CSMD1: variants seen among roughly 807,000 people sequenced by gnomAD.
CSMD1 encodes CUB and sushi domain-containing protein 1.
Under a neutral mutation model 417.5 loss-of-function variants are expected in CSMD1, and 213 were observed. The observed-to-expected ratio is 0.51, with a 90% CI of 0.46 to 0.57. The LOEUF (loss-of-function observed/expected upper bound fraction) is 0.57. CSMD1 is among the 20% of genes least tolerant of loss of function. The pLI is 0.00. For missense variants in CSMD1, 6,923 were observed against 4,529.7 expected, an observed-to-expected ratio of 1.53 and a Z score of -15.17; for synonymous variants, 2,862 against 1,736.8, an observed-to-expected ratio of 1.65 and a Z score of -16.11.
rs1437826428 is a variant in CSMD1, at chr8:4,898,414, T to C, written c.85+95918A>G. 3.3e-5 allele frequency among the ~76,000 whole-genome samples: 5 copies of C among 151,492 alleles called. 1 individual carries two copies. Among genetic ancestry groups the C allele is most frequent in the African/African-American group, 1.2e-4 (5 of 40,776 alleles). The stretch of plus-strand genomic sequence containing the variant: ...AGTACTAGCAATTCAGGCCACACAG[T>C]GACTGGGTGATGGTCACAGAAGGAC... On this transcript the variant is annotated intron_variant, in intron 1 of 69. Coordinates refer to ENST00000635120, the MANE Select transcript of CSMD1 (RefSeq NM_033225.6).
At chr8:4,031,536 G>A (rs909356428) in intron 4 of CSMD1, among the ~76,000 whole-genome samples, 2 of 152,114 alleles carry the variant, frequency 1.3e-5, no homozygotes, top group Admixed American at 1.3e-4. Flanking sequence ...GGGAATTGTG[G>A]GAACTACCGT....
intron 3 of CSMD1, among the ~76,000 whole-genome samples, chr8:4,265,018 A>G (rs1804151255): frequency 6.6e-6 from 1 of 152,168 alleles, no homozygotes; most frequent in African/African-American, 2.4e-5. Flanking sequence ...TCAAGTATAT[A>G]AATTTAAGTT....
Position 2,949,282 on chromosome 8 carries a change from T to C in CSMD1, c.10402+17A>G. ...AAACTGATATTTGCTTTAAAATATATCCTAAGTGCAACTTACCTTGCCTTT... is the reference window on the plus strand; with the variant it reads ...AAACTGATATTTGCTTTAAAATATACCCTAAGTGCAACTTACCTTGCCTTT... On this transcript the variant is annotated intron_variant, in intron 68 of 69. Coordinates refer to ENST00000635120, the MANE Select transcript of CSMD1 (RefSeq NM_033225.6). 1.4e-6 allele frequency: 2 copies of C among 1,422,472 alleles called. No individual in the cohort carries two copies. The highest frequency in any genetic ancestry group is 2.0e-6 in the Non-Finnish European group (2 of 1,010,950). 88.1% of individuals were successfully genotyped at this position (1,422,472 alleles called of 1,614,324 possible). A position where few individuals can be genotyped will look rare whatever the true frequency, so the allele number is the denominator to read the frequency against.
At chr8:3,150,126 T>C (rs1585485044) in intron 40 of CSMD1, among the ~76,000 whole-genome samples, 1 of 152,168 alleles carries the variant, frequency 6.6e-6, no homozygotes, top group Non-Finnish European at 1.5e-5. Flanking sequence ...CTCCGTTTCA[T>C]TTAGCCCTGG....
At chr8:2,965,678 T>C in intron 59 of CSMD1, 97 bp downstream of exon 59, 1 of 1,056,208 alleles carries the variant, frequency 9.5e-7, no homozygotes, top group Non-Finnish European at 1.4e-6. Flanking sequence ...TCCTAGCCCC[T>C]AGAAGGGCTA....
intron 5 of CSMD1, among the ~76,000 whole-genome samples, chr8:3,774,566 G>A (rs369901757): frequency 3.2e-4 from 49 of 152,192 alleles, no homozygotes; most frequent in Non-Finnish European, 4.9e-4. Context: ...TGGACAGAAC[G>A]TCATGTCTTC....
intron 41 of CSMD1, chr8:3,127,979 A>G (rs1817600069): frequency 8.0e-6 from 1 of 125,470 alleles, no homozygotes. Flanking sequence ...AGGGAAGGAA[A>G]GAAGGGAGGG....
Position 4,372,885 on chromosome 8 carries a change from C to G in CSMD1, c.415+47068G>C, listed in dbSNP as rs116589273. Among the ~76,000 whole-genome samples, 242 of 152,300 alleles carry G rather than the reference C, an allele frequency of 1.6e-3. 1 individual carries two copies. Among genetic ancestry groups the G allele is most frequent in the African/African-American group, 5.6e-3 (231 of 41,578 alleles). The stretch of plus-strand genomic sequence containing the variant: ...ATTATTTACATGGAAATATAGCCCT[C>G]AAGAAGGCAAAGTGTAACTCCCCAT... On this transcript the variant is annotated intron_variant, in intron 3 of 69. Coordinates refer to ENST00000635120, the MANE Select transcript of CSMD1 (RefSeq NM_033225.6).
intron 7 of CSMD1, among the ~76,000 whole-genome samples, chr8:3,641,329 G>A (rs1563225081): frequency 6.6e-6 from 1 of 152,074 alleles, no homozygotes; most frequent in Non-Finnish European, 1.5e-5. Flanking sequence ...CACTAGCAAT[G>A]GAACCAACAA....
chr8:4,784,523 C>G (rs552279682), intron 1 of CSMD1, among the ~76,000 whole-genome samples: 4 of 152,192 alleles, frequency 2.6e-5, no homozygotes, highest in African/African-American at 9.7e-5. Context: ...TGAGAGGAGA[C>G]AGACCCTTTA....
chr8:4,979,451 TG>T (rs143368618), intron 1 of CSMD1, among the ~76,000 whole-genome samples: 4,716 of 152,280 alleles, frequency 0.031, 94 homozygotes, highest in Middle Eastern at 0.12. Context: ...GTATAGCAGA[TG>T]CCGTCAAAGG....
At chr8:3,929,518 T>A (rs1809988721) in intron 5 of CSMD1, among the ~76,000 whole-genome samples, 1 of 150,444 alleles carries the variant, frequency 6.6e-6, no homozygotes, top group South Asian at 2.1e-4. Context: ...AAATTCAAAG[T>A]CAACGTCCAT....
Position 4,351,596 on chromosome 8 carries a change from A to C in CSMD1, c.415+68357T>G, listed in dbSNP as rs146689635. Among the ~76,000 whole-genome samples the C allele has an allele frequency of 8.5e-3, 1,289 of 152,314 alleles. 19 individuals are homozygous for C. Among genetic ancestry groups the C allele is most frequent in the African/African-American group, 0.03 (1,232 of 41,554 alleles). ...GCATGTTTTATGCAAAAATCCTGAA[A>C]GAGACTTCAACTTGTTGTGGGAGTG... On this transcript the variant is annotated intron_variant, in intron 3 of 69. Coordinates refer to ENST00000635120, the MANE Select transcript of CSMD1 (RefSeq NM_033225.6).
rs115235037 is a variant in CSMD1, at chr8:4,757,708, T to C, written c.86-120150A>G. 1.6e-3 allele frequency among the ~76,000 whole-genome samples: 237 copies of C among 152,246 alleles called. 1 individual carries two copies. The highest frequency in any genetic ancestry group is 5.2e-3 in the African/African-American group (218 of 41,564). ...GCATGGTGGCTTATGTCTGTAATCC[T>C]ATCACTTTGGGAGGGTGAGGCAAGC... is the stretch of plus-strand genomic sequence containing the variant. On this transcript the variant is annotated intron_variant, in intron 1 of 69. Coordinates refer to ENST00000635120, the MANE Select transcript of CSMD1 (RefSeq NM_033225.6).
intron 1 of CSMD1, among the ~76,000 whole-genome samples, chr8:4,848,887 T>G (rs974018786): frequency 4.6e-5 from 7 of 152,250 alleles, no homozygotes; most frequent in Non-Finnish European, 8.8e-5. Flanking sequence ...TGTTTCTGGT[T>G]TATAGTTTTA....
intron 3 of CSMD1, among the ~76,000 whole-genome samples, chr8:4,043,287 C>G (rs981007267): frequency 1.3e-5 from 2 of 151,772 alleles, no homozygotes; most frequent in Non-Finnish European, 2.9e-5. Flanking sequence ...CAGAAAGTAC[C>G]CAATCCAACA....
intron 3 of CSMD1, among the ~76,000 whole-genome samples, chr8:4,249,392 C>G (rs1028319167): frequency 1.3e-5 from 2 of 152,152 alleles, no homozygotes; most frequent in African/African-American, 4.8e-5. Context: ...CCACAGAAAA[C>G]AACTTTTGCA....
chr8:4,626,435 C>G lies in CSMD1; in HGVS notation c.302+10907G>C, dbSNP rs139726345. ...TAGTAGTCCAACAATAGTAGTAACT[C>G]TGAACCTTCTGTTTGAGGGTTTAGT... On this transcript the variant is annotated intron_variant, in intron 2 of 69. Coordinates refer to ENST00000635120, the MANE Select transcript of CSMD1 (RefSeq NM_033225.6). Among the ~76,000 whole-genome samples, 31 of 152,122 alleles carry G rather than the reference C, an allele frequency of 2.0e-4. No individual in the cohort carries two copies. In the East Asian group the frequency reaches 6.0e-3, roughly 29 times the overall value.
At chr8:2,974,429 A>T in intron 56 of CSMD1, 22 bp downstream of exon 56, 1 of 1,507,884 alleles carries the variant, frequency 6.6e-7, no homozygotes, top group South Asian at 1.3e-5. Flanking sequence ...TAATTCTGTC[A>T]GTTCACTCGT....
Sources: gnomAD v4.1 joint callset for allele counts (sites outside exome capture counted in the v4.1 genomes callset) on GRCh38, gnomAD v4.1.1 for gene constraint, MANE v1.5 for transcripts, NCBI Gene and HGNC (gene_info 2026-07-23, HGNC 2026-07-21) for gene names.